The following TEAD1 variants were observed in gnomAD, a reference collection of about 807,000 sequenced individuals.
TEAD1 encodes transcriptional enhancer factor TEF-1.
In TEAD1, 9 loss-of-function variants were observed where a neutral mutation model predicts 54.9. The ratio of observed to expected loss-of-function variants is 0.16; its 90% CI spans 0.10 to 0.29. The LOEUF (loss-of-function observed/expected upper bound fraction) is 0.29, where lower values mean the gene tolerates loss of function less well. Among genes scored for constraint, TEAD1 ranks in the 10% least tolerant of loss-of-function variants. The pLI is 1.00. For synonymous variants in TEAD1, 200 were observed against 187.8 expected, an observed-to-expected ratio of 1.07 and a Z score of -0.53; for missense variants, 387 against 535.9, an observed-to-expected ratio of 0.72 and a Z score of 2.74.
At chr11:12,739,117 C>T (rs191952996) in intron 2 of TEAD1, among the ~76,000 whole-genome samples, 24 of 152,248 alleles carry the variant, frequency 1.6e-4, no homozygotes, top group African/African-American at 5.8e-4. Context: ...TATGAGTGCT[C>T]CAGCACTGAG....
intron 3 of TEAD1, among the ~76,000 whole-genome samples, chr11:12,809,720 A>C (rs1419251914): frequency 2.0e-5 from 3 of 152,060 alleles, no homozygotes; most frequent in Non-Finnish European, 4.4e-5. Context: ...GTGCTTCACC[A>C]CTGGGGGCTG....
At chr11:12,675,729 A>T (rs952608481) in intron 2 of TEAD1, among the ~76,000 whole-genome samples, 168 bp downstream of exon 2, 10 of 152,216 alleles carry the variant, frequency 6.6e-5, no homozygotes, top group East Asian at 1.9e-4. Context: ...TCTTCTTTTT[A>T]AAAAAATAAC....
chr11:12,737,538 T>C (rs1229691817), intron 2 of TEAD1, among the ~76,000 whole-genome samples: 2 of 152,190 alleles, frequency 1.3e-5, no homozygotes, highest in Non-Finnish European at 2.9e-5. Context: ...CTGTTCCGCA[T>C]TGGGTTTGCC....
At chr11:12,808,570 A>G (rs1330281673) in intron 3 of TEAD1, among the ~76,000 whole-genome samples, 1 of 152,144 alleles carries the variant, frequency 6.6e-6, no homozygotes, top group East Asian at 1.9e-4. Flanking sequence ...GCACGTAGCA[A>G]CTGCCTGGAC....
At chr11:12,768,870 C>T (rs1170265064) in intron 3 of TEAD1, among the ~76,000 whole-genome samples, 2 of 152,180 alleles carry the variant, frequency 1.3e-5, no homozygotes, top group Admixed American at 1.3e-4. Flanking sequence ...AAGATGGTCA[C>T]CTTCCACTTA....
chr11:12,696,739 T>C (rs1943592488), intron 2 of TEAD1, among the ~76,000 whole-genome samples: 2 of 152,062 alleles, frequency 1.3e-5, no homozygotes, highest in African/African-American at 4.8e-5. Flanking sequence ...CCCTGCGTGC[T>C]GTCCTAGGGA....
At chr11:12,804,737 T>G (rs1158033672) in intron 3 of TEAD1, among the ~76,000 whole-genome samples, 1 of 152,198 alleles carries the variant, frequency 6.6e-6, no homozygotes, top group Non-Finnish European at 1.5e-5. Flanking sequence ...CCTGCCTCTC[T>G]CCACTATACT....
chr11:12,781,951 CAAAAAAAAAAA>C (rs71454001), intron 3 of TEAD1, among the ~76,000 whole-genome samples: 3 of 65,422 alleles, frequency 4.6e-5, no homozygotes, highest in Non-Finnish European at 7.9e-5. Flanking sequence ...CTCGTCTGTA[CAAAAAAAAAAA>C]AAAAAAAAAG....
At chr11:12,919,057 AAATT>A (rs1948762064) in intron 10 of TEAD1, among the ~76,000 whole-genome samples, 1 of 152,212 alleles carries the variant, frequency 6.6e-6, no homozygotes, top group Admixed American at 6.5e-5. Context: ...CACTTGATGA[AAATT>A]AATCAAGCTG....
chr11:12,725,076 G>A (rs566389919), intron 2 of TEAD1, among the ~76,000 whole-genome samples: 2 of 152,310 alleles, frequency 1.3e-5, no homozygotes, highest in South Asian at 2.1e-4. Context: ...CTGTTGATAT[G>A]CCTCAGAAGA....
intron 2 of TEAD1, among the ~76,000 whole-genome samples, chr11:12,739,212 C>G (rs1258597849): frequency 7.1e-6 from 1 of 141,154 alleles, no homozygotes; most frequent in Non-Finnish European, 1.5e-5. Context: ...ATCTATCTAT[C>G]TATCTATCTG....
At position 12,842,086 on chromosome 11, in the gene TEAD1, CAAAA is replaced by C. The variant is rs969762509; in HGVS notation, c.203-20163_203-20160del. ...AGGAAAAAAACAAAACAAAACAAAA[CAAAA>C]CAGGCAAATGTGAATCATGGGAACC... On this transcript the variant is annotated intron_variant, in intron 3 of 12. Coordinates refer to ENST00000527636, the MANE Select transcript of TEAD1 (RefSeq NM_021961.6). Among the ~76,000 whole-genome samples the C allele has an allele frequency of 1.1e-4, 17 of 152,042 alleles. 1 individual carries two copies. The highest frequency in any genetic ancestry group is 4.2e-4 in the South Asian group (2 of 4,814).
intron 3 of TEAD1, among the ~76,000 whole-genome samples, chr11:12,817,940 G>C (rs1260558108): frequency 6.6e-6 from 1 of 152,218 alleles, no homozygotes; most frequent in African/African-American, 2.4e-5. Context: ...ACACATTGTG[G>C]TTATTAGCTG....
intron 3 of TEAD1, among the ~76,000 whole-genome samples, chr11:12,846,771 A>G (rs1172106058): frequency 6.6e-6 from 1 of 152,214 alleles, no homozygotes; most frequent in Admixed American, 6.5e-5. Flanking sequence ...TAGGATACTA[A>G]ATCTGAAATT....
chr11:12,939,818 A>AT lies in TEAD1; in HGVS notation c.*2597dup, dbSNP rs1367421947. On this transcript the variant is annotated 3_prime_UTR_variant, in exon 13 of 13. Coordinates refer to ENST00000527636, the MANE Select transcript of TEAD1 (RefSeq NM_021961.6). ...CCCTGTCTTAACCACTGGTCCAGTC[A>AT]TCCCAGTGGGCTTCTCTTTGTCTCT... 2 of 152,226 alleles carry AT rather than the reference A, an allele frequency of 1.3e-5. No individual in the cohort carries two copies. The highest frequency in any genetic ancestry group is 4.8e-5 in the African/African-American group (2 of 41,452). The allele number at this position is 152,226 out of a possible 1,614,324, so 9.4% of individuals were successfully genotyped here.
intron 7 of TEAD1, 141 bp from the exon 8 acceptor site, chr11:12,881,755 C>T (rs1170117300): frequency 3.7e-6 from 3 of 812,778 alleles, no homozygotes; most frequent in Non-Finnish European, 6.3e-6. Flanking sequence ...ACAACTGCCT[C>T]TGCCTGGGGT....
chr11:12,740,699 C>G (rs1006835006), intron 2 of TEAD1, among the ~76,000 whole-genome samples: 4 of 152,156 alleles, frequency 2.6e-5, no homozygotes, highest in Admixed American at 6.5e-5. Flanking sequence ...TTCACTATCA[C>G]AAGAACAGCA....
intron 3 of TEAD1, among the ~76,000 whole-genome samples, chr11:12,779,542 G>GATTA (rs1418957929): frequency 1.3e-5 from 2 of 152,170 alleles, no homozygotes; most frequent in Non-Finnish European, 2.9e-5. Context: ...TCAGTGTGAA[G>GATTA]ATTAAATTAG....
At chr11:12,735,504 A>G (rs1944512312) in intron 2 of TEAD1, among the ~76,000 whole-genome samples, 1 of 151,552 alleles carries the variant, frequency 6.6e-6, no homozygotes, top group East Asian at 1.9e-4. Flanking sequence ...CTCCCTACCA[A>G]ACTCCCAACT....
Sources: gnomAD v4.1 joint callset for allele counts (sites outside exome capture counted in the v4.1 genomes callset) on GRCh38, gnomAD v4.1.1 for gene constraint, MANE v1.5 for transcripts, NCBI Gene and HGNC (gene_info 2026-07-23, HGNC 2026-07-21) for gene names.